Variants in GSG1 observed in about 807,000 individuals in gnomAD.
The protein encoded by GSG1 is germ cell-specific gene 1 protein.
GSG1 carries 28 observed loss-of-function variants against 30.8 expected under a neutral mutation model. The observed-to-expected ratio is 0.91, with a 90% confidence interval of 0.67 to 1.25. The LOEUF is 1.25. GSG1 is among the 50% of genes most tolerant of loss of function. GSG1 has a pLI of 0.00. For synonymous variants in GSG1, 162 were observed against 178.0 expected, an observed-to-expected ratio of 0.91 and a Z score of 0.71; for missense variants, 435 against 444.7, an observed-to-expected ratio of 0.98 and a Z score of 0.20.
chr12:13,087,410 C>G, intron 5 of GSG1, 147 bp from the exon 6 acceptor site: 1 of 613,064 alleles, frequency 1.6e-6, no homozygotes, highest in Non-Finnish European at 2.9e-6. Flanking sequence ...TTCCCGAAGA[C>G]TAATTCACAA....
intron 6 of GSG1, among the ~76,000 whole-genome samples, chr12:13,086,168 A>T (rs932068798): frequency 6.6e-6 from 1 of 152,172 alleles, no homozygotes; most frequent in African/African-American, 2.4e-5. Context: ...TCAGTCTGGG[A>T]TGCTTCTGGG....
intron 1 of GSG1, 58 bp from the exon 2 acceptor site, chr12:13,090,876 G>A (rs1179570572): frequency 1.2e-5 from 18 of 1,446,198 alleles, no homozygotes; most frequent in South Asian, 7.8e-5. Flanking sequence ...ACTCAGAGCC[G>A]CCTCGGAGAT....
At position 13,101,083 on chromosome 12, in the gene GSG1, G is replaced by A. The variant is rs1303480915; in HGVS notation, c.48+2382C>T. ...CCCAAGCAGCTGGAGTGAATCAGAG[G>A]GGCAGCCACATCTGCACATCCTGTG... On this transcript the variant is annotated intron_variant, in intron 1 of 6. Transcript: ENST00000651961. This position sits in a 1 kb window ranked among gnomAD's most constrained non-coding sequence, Gnocchi z 5.8. Among the ~76,000 whole-genome samples, 1 of 152,220 alleles carries A rather than the reference G, an allele frequency of 6.6e-6. No homozygotes were observed. The highest frequency in any genetic ancestry group is 2.4e-5 in the African/African-American group (1 of 41,466).
intron 5 of GSG1, 27 bp from the exon 6 acceptor site, chr12:13,087,290 C>T (rs1296938418): frequency 6.4e-7 from 1 of 1,563,210 alleles, no homozygotes; most frequent in Non-Finnish European, 8.8e-7. Context: ...AAGGCAGAGC[C>T]CTTAGAGAAA....
chr12:13,083,755 A>ATTCCCACC lies in GSG1; in HGVS notation c.*1138_*1145dup, dbSNP rs901655178. 5 of 133,272 alleles carry ATTCCCACC rather than the reference A, an allele frequency of 3.8e-5. No individual in the cohort carries two copies. The highest frequency in any genetic ancestry group is 1.4e-4 in the African/African-American group (5 of 34,508). 8.3% of individuals were successfully genotyped at this position (133,272 alleles called of 1,614,324 possible). A position where few individuals can be genotyped will look rare whatever the true frequency, so the allele number is the denominator to read the frequency against. Reference sequence around the variant, plus strand: ...TGTGTCCAAGTGTTTTTATTGTTCAATTCCCACCTGTGAGTGAGAATATGC... The same window carrying ATTCCCACC: ...TGTGTCCAAGTGTTTTTATTGTTCAATTCCCACCTTCCCACCTGTGAGTGAGAATATGC... On this transcript the variant is annotated 3_prime_UTR_variant, in exon 7 of 7. Transcript: ENST00000651961.
rs368946693 is a variant in GSG1, at chr12:13,089,218, C to T, written c.423G>A (p.Ala141=). ...AGTGTTAACTAATACCTTTTGCTGC[C>T]GCTGTACCACTGGACCGAAGGGCTC... The part of the protein sequence containing the change: ...QFRALRSSGT[A]AAKGERCRSF... The change falls in exon 3 of 7, where the codon GCG becomes GCA. Residue 141 remains alanine, a synonymous_variant. Transcript: ENST00000651961. The T allele has an allele frequency of 2.6e-5, 40 of 1,557,056 alleles. No individual in the cohort carries two copies. The South Asian group carries it at 3.6e-4, about 14-fold the overall frequency.
chr12:13,092,728 A>G (rs1203964580), intron 1 of GSG1, among the ~76,000 whole-genome samples: 1 of 152,086 alleles, frequency 6.6e-6, no homozygotes, highest in African/African-American at 2.4e-5. Flanking sequence ...GAGTAAATTG[A>G]GGGTGTTCTG....
chr12:13,098,456 A>ATTTTTTTTTTTTTTTTT (rs771887535), intron 1 of GSG1, among the ~76,000 whole-genome samples: 2 of 47,402 alleles, frequency 4.2e-5, no homozygotes, highest in Admixed American at 3.0e-4. Context: ...CATGTAGCCC[A>ATTTTTTTTTTTTTTTTT]TTTTTTTTTT....
Position 13,101,446 on chromosome 12 carries a change from G to C in GSG1, c.48+2019C>G, listed in dbSNP as rs902110431. ...GGTACCCGGGCTGTTTCTTCCTCTG[G>C]GTCTTCCTCCGTCGGTTGAGAACGG... On this transcript the variant is annotated intron_variant, in intron 1 of 6. Coordinates refer to ENST00000651961, the MANE Select transcript of GSG1 (RefSeq NM_001080555.4). The surrounding 1 kb of genome is among the most constrained non-coding windows in gnomAD (Gnocchi z 5.8). Among the ~76,000 whole-genome samples the C allele has an allele frequency of 6.6e-6, 1 of 152,230 alleles. No homozygotes were observed. The highest frequency in any genetic ancestry group is 1.5e-5 in the Non-Finnish European group (1 of 68,036).
intron 6 of GSG1, among the ~76,000 whole-genome samples, chr12:13,086,820 A>G (rs1442354017): frequency 1.3e-5 from 2 of 152,174 alleles, no homozygotes; most frequent in Non-Finnish European, 2.9e-5. Context: ...AGAAAAAAAA[A>G]GAGCACATTT....
At position 13,092,272 on chromosome 12, in the gene GSG1, G is replaced by A. The variant is rs193265130; in HGVS notation, c.49-1454C>T. 1.8e-4 allele frequency among the ~76,000 whole-genome samples: 27 copies of A among 152,256 alleles called. No individual in the cohort carries two copies. The East Asian group carries it at 4.6e-3, about 26-fold the overall frequency. On this transcript the variant is annotated intron_variant, in intron 1 of 6. Coordinates refer to ENST00000651961, the MANE Select transcript of GSG1 (RefSeq NM_001080555.4). ...GTGTGTGTGTACCTTTATGGTGAGT[G>A]CCATAATGACCCCACCAACAAACAG...
In GSG1 at chr12:13,084,426, C is replaced by G. The variant is rs943091682; in HGVS notation, c.*475G>C. 6.3e-6 allele frequency: 1 copy of G among 159,448 alleles called. No homozygotes were observed. The highest frequency in any genetic ancestry group is 5.9e-5 in the Admixed American group (1 of 16,964). The allele number at this position is 159,448 out of a possible 1,614,324, so 9.9% of individuals were successfully genotyped here. ...CCAGGCAGTGTGGAGGACTTCTGTG[C>G]TATATGACAAAGCACTCAGGGGCGC... is the stretch of plus-strand genomic sequence containing the variant. On this transcript the variant is annotated 3_prime_UTR_variant, in exon 7 of 7. Transcript: ENST00000651961.
At chr12:13,099,750 G>GTTTTTTTTTTTTTTTTTT (rs57762367) in intron 1 of GSG1, among the ~76,000 whole-genome samples, 157 of 114,800 alleles carry the variant, frequency 1.4e-3, no homozygotes, top group East Asian at 2.0e-3. Flanking sequence ...GTTTTTTTTT[G>GTTTTTTTTTTTTTTTTTT]TTTTTTTTTT....
At chr12:13,091,992 C>G (rs1427987688) in intron 1 of GSG1, among the ~76,000 whole-genome samples, 2 of 152,170 alleles carry the variant, frequency 1.3e-5, no homozygotes, top group Non-Finnish European at 2.9e-5. Context: ...TTAAGTTGAA[C>G]CTTACACAGA....
At chr12:13,094,430 T>G (rs1866464831) in intron 1 of GSG1, among the ~76,000 whole-genome samples, 2 of 152,236 alleles carry the variant, frequency 1.3e-5, no homozygotes, top group Non-Finnish European at 2.9e-5. Context: ...TGTCAGTTCT[T>G]GCAAGACTCT....
At position 13,089,278 on chromosome 12, in the gene GSG1, T is replaced by C. The variant is rs1172100248; in HGVS notation, c.365-2A>G. ...TCCAGGACTGGGGATGGAGCAGTGC[T>C]AAGTGGCACAATAATAAATATAAAT... On this transcript the variant is annotated splice_acceptor_variant, in intron 2 of 6. Coordinates refer to ENST00000651961, the MANE Select transcript of GSG1 (RefSeq NM_001080555.4). LOFTEE classifies it high-confidence loss of function. 6.4e-7 allele frequency: 1 copy of C among 1,553,684 alleles called. No homozygotes were observed. The highest frequency in any genetic ancestry group is 1.9e-5 in the Admixed American group (1 of 51,302).
chr12:13,084,827 G>A lies in GSG1; in HGVS notation c.*74C>T, dbSNP rs1480398369. 2 of 964,544 alleles carry A rather than the reference G, an allele frequency of 2.1e-6. No individual in the cohort carries two copies. The highest frequency in any genetic ancestry group is 1.7e-5 in the South Asian group (1 of 59,994). The allele number at this position is 964,544 out of a possible 1,614,324, so 59.7% of individuals were successfully genotyped here. On this transcript the variant is annotated 3_prime_UTR_variant, in exon 7 of 7. Coordinates refer to ENST00000651961, the MANE Select transcript of GSG1 (RefSeq NM_001080555.4). The stretch of plus-strand genomic sequence containing the variant: ...AAACCATGCTCAAGAGACGGATGTT[G>A]GCTTAAGCACATGTTGATAATCAGC...
rs1565523907 is a variant in GSG1, at chr12:13,087,177, CAT to C, written c.719_720del (p.His240ArgfsTer41). On this transcript the variant is annotated frameshift_variant, in exon 6 of 7. Coordinates refer to ENST00000651961, the MANE Select transcript of GSG1 (RefSeq NM_001080555.4). LOFTEE classifies it low-confidence loss of function (END_TRUNC). ...VNLGPEDWRP[H>X]VWNYGWAFYM... ...TAGAAGGCCCAGCCATAATTCCAAA[CAT>C]GTGGTCTCCAGTCTTCTGGACCCAA... 1 of 1,613,726 alleles carries C rather than the reference CAT, an allele frequency of 6.2e-7. No individual in the cohort carries two copies. Among genetic ancestry groups the C allele is most frequent in the South Asian group, 1.1e-5 (1 of 91,074 alleles).
rs1334986331 is a variant in GSG1 at position 13,083,719 on chromosome 12, G to A, written c.*1182C>T. ...CCCCATGACAGGCCCGGTGTGTGAT[G>A]TTCCCCACCCTGTGTCCAAGTGTTT... On this transcript the variant is annotated 3_prime_UTR_variant, in exon 7 of 7. Coordinates refer to ENST00000651961, the MANE Select transcript of GSG1 (RefSeq NM_001080555.4). 1.6e-5 allele frequency: 2 copies of A among 125,244 alleles called. No homozygotes were observed. Among genetic ancestry groups the A allele is most frequent in the Admixed American group, 1.1e-4 (1 of 9,322 alleles). 7.8% of individuals were successfully genotyped at this position (125,244 alleles called of 1,614,324 possible).
Sources: gnomAD v4.1 joint callset for allele counts (sites outside exome capture counted in the v4.1 genomes callset) on GRCh38, gnomAD v4.1.1 for gene constraint, Gnocchi (gnomAD v3.1) non-coding constraint, MANE v1.5 for transcripts, NCBI Gene and HGNC (gene_info 2026-07-23, HGNC 2026-07-21) for gene names.